DAB1: variants seen among roughly 807,000 people sequenced by gnomAD.
The protein encoded by DAB1 is disabled homolog 1.
DAB1 carries 15 observed loss-of-function variants against 64.6 expected under a neutral mutation model. The ratio of observed to expected loss-of-function variants is 0.23; its 90% CI spans 0.16 to 0.36. DAB1 has a LOEUF of 0.36. Ranked by LOEUF, DAB1 falls within the 10% of genes least tolerant of loss-of-function variation. The pLI is 1.00. For missense variants in DAB1, 596 were observed against 706.7 expected (o/e 0.84, Z 1.78); for synonymous variants, 235 against 251.9 (o/e 0.93, Z 0.64).
chr1:58,227,249 A>G (rs1659541258), intron 4 of DAB1, among the ~76,000 whole-genome samples: 1 of 152,260 alleles, frequency 6.6e-6, no homozygotes, highest in African/African-American at 2.4e-5. Flanking sequence ...AACCAACTCT[A>G]GGATTCCAAT....
At chr1:58,370,366 AGTGTGTGCGTGTGTGT>A (rs967573813) in intron 3 of DAB1, among the ~76,000 whole-genome samples, 1 of 124,450 alleles carries the variant, frequency 8.0e-6, no homozygotes, top group Admixed American at 9.1e-5. Context: ...GTTACTTATG[AGTGTGTGCGTGTGTGT>A]GTGTGTGTGT....
intron 7 of DAB1, among the ~76,000 whole-genome samples, chr1:57,625,979 A>G (rs1408648224): frequency 6.6e-6 from 1 of 152,260 alleles, no homozygotes; most frequent in Non-Finnish European, 1.5e-5. Context: ...ATTATATGAA[A>G]TGGGTGACAG....
At chr1:58,026,204 T>C (rs891789595) in intron 5 of DAB1, among the ~76,000 whole-genome samples, 3 of 152,188 alleles carry the variant, frequency 2.0e-5, no homozygotes, top group African/African-American at 7.2e-5. Flanking sequence ...TGATATTTCC[T>C]ACACAGTTAC....
At chr1:58,520,636 T>C (rs1167647731) in intron 2 of DAB1, among the ~76,000 whole-genome samples, 1 of 152,068 alleles carries the variant, frequency 6.6e-6, no homozygotes, top group Admixed American at 6.5e-5. Context: ...AGATTTACCA[T>C]GCAAGCACTA....
intron 5 of DAB1, among the ~76,000 whole-genome samples, chr1:57,894,426 G>T (rs1363308091): frequency 3.3e-5 from 5 of 152,166 alleles, no homozygotes; most frequent in African/African-American, 1.2e-4. Context: ...CTTTAAGGAA[G>T]TGACATCTTA....
chr1:57,593,492 A>T (rs935905679), intron 7 of DAB1, among the ~76,000 whole-genome samples: 7 of 152,238 alleles, frequency 4.6e-5, no homozygotes, highest in African/African-American at 1.7e-4. Context: ...TAGTTTTTAA[A>T]AACCATACAT....
upstream of DAB1, among the ~76,000 whole-genome samples, chr1:57,425,938 A>G (rs1396451724): frequency 6.6e-5 from 10 of 152,206 alleles, no homozygotes; most frequent in Admixed American, 5.9e-4. Context: ...TTCTTCATCT[A>G]TGAAGACACA....
At chr1:57,270,410 G>A (rs1670902920) in intron 2 of DAB1, among the ~76,000 whole-genome samples, 1 of 152,188 alleles carries the variant, frequency 6.6e-6, no homozygotes, top group Non-Finnish European at 1.5e-5. Flanking sequence ...GAATACCTAT[G>A]TGTTTAGTAC....
In DAB1 at chr1:57,411,699, C is replaced by G. The variant is rs567435854; in HGVS notation, c.-137+12231G>C. On this transcript the variant is annotated intron_variant, in intron 1 of 14. Transcript: ENST00000371236. ...ATCACCCTCTCATTAGCTCCATTCC[C>G]TACTCCGCATCCCCACTGGCCCATT... Among the ~76,000 whole-genome samples the G allele has an allele frequency of 3.3e-5, 5 of 152,320 alleles. No individual in the cohort carries two copies. The South Asian group carries it at 1.0e-3, about 32-fold the overall frequency.
intron 7 of DAB1, among the ~76,000 whole-genome samples, chr1:57,469,271 C>T (rs777278530): frequency 1.2e-4 from 18 of 152,156 alleles, no homozygotes; most frequent in Non-Finnish European, 1.9e-4. Flanking sequence ...ATATGCAAAG[C>T]ACTTAGGTAA....
chr1:57,136,479 G>C, intron 4 of DAB1, 64 bp downstream of exon 4: 1 of 909,148 alleles, frequency 1.1e-6, no homozygotes, highest in Non-Finnish European at 1.6e-6. Flanking sequence ...AGAGAGTAGA[G>C]GCTTTTAAGG....
chr1:58,103,463 T>G (rs1651446832), intron 5 of DAB1, among the ~76,000 whole-genome samples: 1 of 152,130 alleles, frequency 6.6e-6, no homozygotes, highest in Admixed American at 6.5e-5. Flanking sequence ...TGGGCATGGT[T>G]GTGGTTCAAT....
chr1:58,256,727 T>C (rs1232340439), intron 4 of DAB1, among the ~76,000 whole-genome samples: 2 of 150,432 alleles, frequency 1.3e-5, no homozygotes, highest in African/African-American at 4.9e-5. Flanking sequence ...TTCATCTCCA[T>C]AGCCCCAAAA....
intron 2 of DAB1, among the ~76,000 whole-genome samples, chr1:57,219,059 T>C (rs1477129351): frequency 1.3e-5 from 2 of 152,200 alleles, no homozygotes; most frequent in African/African-American, 4.8e-5. Flanking sequence ...ATCGCATGGA[T>C]AGAGGATAGT....
At chr1:58,495,120 G>A (rs1645774735) in intron 3 of DAB1, among the ~76,000 whole-genome samples, 1 of 152,090 alleles carries the variant, frequency 6.6e-6, no homozygotes, top group South Asian at 2.1e-4. Context: ...TCCTTTGTAG[G>A]GACATGGATA....
At chr1:58,540,666 G>GT (rs905772224) in intron 1 of DAB1, among the ~76,000 whole-genome samples, 18 of 149,226 alleles carry the variant, frequency 1.2e-4, no homozygotes, top group African/African-American at 4.2e-4. Context: ...CTTTGAAGAC[G>GT]TATCAATAGA....
rs751835985 is a variant in DAB1 at position 57,015,388 on chromosome 1, C to T, written c.939G>A (p.Gln313=). ...CCATCTGCTGTTGGACGAGGGGCTG[C>T]TGACCCCAGAAGGACGGGAGGACAG... is the stretch of plus-strand genomic sequence containing the variant. ...MGAVLPSFWG[Q]QPLVQQQMVM... Residue 313 remains glutamine, a synonymous_variant, in exon 12 of 15, where the codon CAG becomes CAA. Coordinates refer to ENST00000371236, the MANE Select transcript of DAB1 (RefSeq NM_001365792.1). The T allele has an allele frequency of 2.5e-6, 4 of 1,613,726 alleles. No individual in the cohort carries two copies. The highest frequency in any genetic ancestry group is 1.7e-5 in the Admixed American group (1 of 59,996).
intron 1 of DAB1, among the ~76,000 whole-genome samples, chr1:57,311,244 C>G (rs533893851): frequency 6.6e-6 from 1 of 151,880 alleles, no homozygotes; most frequent in South Asian, 2.1e-4. Flanking sequence ...ACAAAGTACA[C>G]TCTGTCATCA....
chr1:57,748,253 A>G (rs1329452917), intron 6 of DAB1, among the ~76,000 whole-genome samples: 1 of 152,166 alleles, frequency 6.6e-6, no homozygotes, highest in South Asian at 2.1e-4. Context: ...GGTGTGATTC[A>G]TTTATTCTGC....
Sources: allele counts gnomAD v4.1 joint callset (sites outside exome capture counted in the v4.1 genomes callset), GRCh38; gene constraint gnomAD v4.1.1; transcripts MANE v1.5; gene names NCBI Gene and HGNC (gene_info 2026-07-23, HGNC 2026-07-21).